INSL6: variants seen among roughly 807,000 people sequenced by gnomAD.
The protein encoded by INSL6 is insulin-like peptide INSL6.
INSL6 carries 16 observed loss-of-function variants against 9.4 expected under a neutral mutation model. The ratio of observed to expected loss-of-function variants is 1.70; its 90% CI spans 1.15 to 2.59. The LOEUF (loss-of-function observed/expected upper bound fraction) is 2.59, where lower values mean the gene tolerates loss of function less well. Among genes scored for constraint, INSL6 ranks in the 30% most tolerant of loss-of-function variants. The pLI is 0.00. For missense variants in INSL6, 391 were observed against 257.3 expected, an observed-to-expected ratio of 1.52 and a Z score of -3.56; for synonymous variants, 154 against 96.9, an observed-to-expected ratio of 1.59 and a Z score of -3.46.
intron 2 of INSL6, among the ~76,000 whole-genome samples, chr9:5,138,801 T>G (rs1022058345): frequency 1.3e-5 from 2 of 152,064 alleles, no homozygotes; most frequent in African/African-American, 4.8e-5. Flanking sequence ...AATTACAATC[T>G]CTAGAATTTA....
intron 3 of INSL6, chr9:5,126,807 T>C (rs1300148485): frequency 6.7e-7 from 1 of 1,491,182 alleles, no homozygotes; most frequent in Non-Finnish European, 9.3e-7. Flanking sequence ...ATGACCTTCA[T>C]TCTGAGACCA....
chr9:5,069,879 C>T, the INSL6 span: 5 of 1,320,160 alleles, frequency 3.8e-6, no homozygotes, highest in Admixed American at 6.3e-5. Context: ...GCAATTCATA[C>T]TTTCAGTGTA....
intron 1 of INSL6, among the ~76,000 whole-genome samples, chr9:5,176,648 CA>C (rs1188684641): frequency 2.0e-5 from 3 of 150,906 alleles, no homozygotes; most frequent in Non-Finnish European, 4.4e-5. Context: ...CATAAACCTA[CA>C]AACATCATAC....
At chr9:5,071,061 G>A in the INSL6 span, among the ~76,000 whole-genome samples, 1 of 152,156 alleles carries the variant, frequency 6.6e-6, no homozygotes, top group Non-Finnish European at 1.5e-5. Context: ...TGAGGAAAAG[G>A]AGTCTCTCCT....
chr9:5,001,583 G>A, the INSL6 span, among the ~76,000 whole-genome samples: 1 of 149,500 alleles, frequency 6.7e-6, no homozygotes, highest in Admixed American at 6.6e-5. Context: ...CTGGTTCTAT[G>A]TTCTATTATT....
chr9:5,158,130 A>T (rs1336039404), intron 2 of INSL6, among the ~76,000 whole-genome samples: 1 of 152,198 alleles, frequency 6.6e-6, no homozygotes. Flanking sequence ...AAGACAGGCT[A>T]TTTGAAAATA....
At chr9:5,173,255 T>A (rs1197949977) in intron 1 of INSL6, among the ~76,000 whole-genome samples, 1 of 152,176 alleles carries the variant, frequency 6.6e-6, no homozygotes, top group Non-Finnish European at 1.5e-5. Flanking sequence ...GACCCAGCAA[T>A]ACCATTATTG....
At position 5,157,525 on chromosome 9, in the gene INSL6, G is replaced by GA. The variant is rs201138313; in HGVS notation, c.376+6653dup. ...GGAACTACCAGTTAGGAATTTGCAG[G>GA]AAAAAAAAAGACCCTGACTTCCATT... On this transcript the variant is annotated intron_variant, in intron 2 of 3. Transcript: ENST00000649639. Among the ~76,000 whole-genome samples the GA allele has an allele frequency of 4.0e-5, 6 of 149,764 alleles. No homozygotes were observed. The South Asian group carries it at 8.4e-4, about 21-fold the overall frequency.
the INSL6 span, among the ~76,000 whole-genome samples, chr9:5,072,004 C>G: frequency 1.3e-5 from 2 of 152,138 alleles, no homozygotes; most frequent in East Asian, 3.8e-4. Flanking sequence ...TCATAACAAT[C>G]CTATGGGAAA....
At position 5,185,400 on chromosome 9, in the gene INSL6, G is replaced by A. The variant is rs1036248385; in HGVS notation, c.203C>T (p.Ala68Val). The change falls in exon 1 of 2, where the codon GCC (alanine) becomes GTC (valine). Residue 68 changes from alanine (A) to valine (V), a missense_variant. Transcript: ENST00000381641. ...GCTGTAGGCTTCGACCTTCTCCGAG[G>A]CCTGTGCAATCAACCGTGAGAAAGG... Reference protein sequence around the residue: ...ETPFSRLIAQASEKVEAYSPY... With the variant: ...ETPFSRLIAQVSEKVEAYSPY... 2.5e-6 allele frequency: 4 copies of A among 1,614,186 alleles called. No homozygotes were observed. The highest frequency in any genetic ancestry group is 2.5e-6 in the Non-Finnish European group (3 of 1,180,036).
chr9:5,049,746 G>A, the INSL6 span, among the ~76,000 whole-genome samples: 1 of 152,170 alleles, frequency 6.6e-6, no homozygotes, highest in Non-Finnish European at 1.5e-5. Context: ...TTATTGTTCT[G>A]TGAATATCAT....
At chr9:5,004,828 A>G in the INSL6 span, among the ~76,000 whole-genome samples, 1 of 151,890 alleles carries the variant, frequency 6.6e-6, no homozygotes. Flanking sequence ...TCATTGTAAC[A>G]GGCATGAGGT....
chr9:5,072,350 G>A, the INSL6 span: 1 of 508,694 alleles, frequency 2.0e-6, no homozygotes, highest in Non-Finnish European at 3.5e-6. Context: ...CATTAATTTG[G>A]AGTCTTAAAT....
the INSL6 span, among the ~76,000 whole-genome samples, chr9:5,036,616 A>G: frequency 6.6e-6 from 1 of 152,190 alleles, no homozygotes; most frequent in Non-Finnish European, 1.5e-5. Flanking sequence ...TGGGGAAAGG[A>G]TTCCCTATTT....
intron 1 of INSL6, among the ~76,000 whole-genome samples, chr9:5,166,954 G>A (rs1825067039): frequency 6.6e-6 from 1 of 152,086 alleles, no homozygotes; most frequent in Non-Finnish European, 1.5e-5. Flanking sequence ...AACGGTTCGG[G>A]GAAGCAGCCA....
chr9:5,120,937 G>A (rs1013860612), downstream of INSL6, among the ~76,000 whole-genome samples: 1 of 152,210 alleles, frequency 6.6e-6, no homozygotes, highest in Admixed American at 6.5e-5. Context: ...TCTTTAATGT[G>A]GAAATGTTCT....
At chr9:5,171,922 T>C (rs975372630) in intron 1 of INSL6, among the ~76,000 whole-genome samples, 4 of 152,194 alleles carry the variant, frequency 2.6e-5, no homozygotes, top group Non-Finnish European at 4.4e-5. Flanking sequence ...AAGTAATTTA[T>C]AGTTTCAATG....
the INSL6 span, chr9:5,099,431 T>C: frequency 6.6e-6 from 1 of 152,230 alleles, no homozygotes; most frequent in African/African-American, 2.4e-5. Context: ...TTCCACATGA[T>C]CCATTATTAT....
At chr9:5,112,177 G>C in the INSL6 span, 1 of 268,288 alleles carries the variant, frequency 3.7e-6, no homozygotes, top group Non-Finnish European at 7.5e-6. Context: ...CGGCCACCGG[G>C]CGCTGGCCTT....
Sources: gnomAD v4.1 joint callset for allele counts (sites outside exome capture counted in the v4.1 genomes callset) on GRCh38, gnomAD v4.1.1 for gene constraint, MANE v1.5 for transcripts, NCBI Gene and HGNC (gene_info 2026-07-23, HGNC 2026-07-21) for gene names.